The following TOP3B variants were observed in gnomAD, a reference collection of about 807,000 sequenced individuals.
TOP3B encodes DNA topoisomerase 3-beta-1.
A neutral mutation model predicts 93.9 loss-of-function variants in TOP3B; 45 were observed. The ratio of observed to expected loss-of-function variants is 0.48; its 90% confidence interval spans 0.38 to 0.61. TOP3B has a LOEUF of 0.61. Among genes scored for constraint, TOP3B ranks in the 20% least tolerant of loss-of-function variants. The probability of loss-of-function intolerance (pLI) is 0.00; values close to 1 mark genes in which losing one functional copy is unlikely to be tolerated. For synonymous variants in TOP3B, 357 were observed against 472.6 expected (o/e 0.76, Z 3.17); for missense variants, 750 against 1,156.1 (o/e 0.65, Z 5.09).
intron 6 of TOP3B, 123 bp from the exon 7 acceptor site, chr22:21,968,898 C>A (rs2071521469): frequency 9.5e-7 from 1 of 1,056,868 alleles, no homozygotes; most frequent in African/African-American, 1.6e-5. Context: ...GTGGTGTCCC[C>A]ACTTAGAAGC....
intron 6 of TOP3B, chr22:21,969,813 T>C (rs2071559003): frequency 5.8e-6 from 1 of 173,708 alleles, no homozygotes; most frequent in Admixed American, 5.5e-5. Flanking sequence ...GCACCTGTAG[T>C]GGAAGGCTCA....
chr22:21,970,034 T>C lies in TOP3B; in HGVS notation c.581+176A>G, dbSNP rs2071570614. On this transcript the variant is annotated intron_variant, in intron 6 of 17. Transcript: ENST00000357179. The surrounding 1 kb of genome is among the most constrained non-coding windows in gnomAD (Gnocchi z 4.4). Reference sequence around the variant, plus strand: ...ATCCTCCTATCCTGGTCTCCCAAAGTGCAGGGATTACAGGTGTTAGCCACT... The same window carrying C: ...ATCCTCCTATCCTGGTCTCCCAAAGCGCAGGGATTACAGGTGTTAGCCACT... 7 of 647,752 alleles carry C rather than the reference T, an allele frequency of 1.1e-5. 1 individual carries two copies. In the South Asian group the frequency reaches 1.4e-4, roughly 13 times the overall value. The allele number at this position is 647,752 out of a possible 1,614,324, so 40.1% of individuals were successfully genotyped here.
intron 8 of TOP3B, chr22:21,966,327 A>C (rs1303550245): frequency 6.7e-6 from 1 of 149,806 alleles, no homozygotes; most frequent in East Asian, 1.9e-4. Flanking sequence ...AAAACCTGGA[A>C]GATTGAGGAG....
chr22:21,959,987 ACACATG>A, intron 14 of TOP3B: 1 of 625,446 alleles, frequency 1.6e-6, no homozygotes, highest in South Asian at 2.0e-5. Context: ...GAACCACATC[ACACATG>A]AGCTCCAGGC....
intron 13 of TOP3B, 180 bp downstream of exon 13, chr22:21,962,249 G>T: frequency 6.4e-7 from 1 of 1,558,298 alleles, no homozygotes; most frequent in Non-Finnish European, 8.6e-7. Flanking sequence ...GGCCTCAGGA[G>T]GGGATGCCCG....
At chr22:21,968,346 C>T (rs2071496484) in intron 7 of TOP3B, 3 of 454,976 alleles carry the variant, frequency 6.6e-6, no homozygotes, top group African/African-American at 3.9e-5. Flanking sequence ...ACCACTGAAG[C>T]CACTGATTCC....
rs772277144 is a variant in TOP3B at position 21,964,218 on chromosome 22, G to T, written c.1041C>A (p.Asn347Lys). Residue 347 changes from asparagine (N) to lysine (K), a missense_variant, in exon 10 of 18, where the codon AAC becomes AAA. By Grantham distance (94) the Asn-to-Lys change is moderately conservative (BLOSUM62 0). This residue lies in a region of TOP3B where 737 missense variants were observed against 933.7 expected (regional missense o/e 0.79). Transcript: ENST00000357179. The part of the protein sequence containing the change: ...PRTETTHYPE[N>K]FDLKGSLRQQ... ...GCCGCAGAGAGCCCTTCAGGTCAAA[G>T]TTCTCAGGGTAGTGGGTGGTCTCTG... 6.2e-7 allele frequency: 1 copy of T among 1,614,076 alleles called. No individual in the cohort carries two copies. Among genetic ancestry groups the T allele is most frequent in the Non-Finnish European group, 8.5e-7 (1 of 1,180,046 alleles).
chr22:21,959,080 G>A (rs1460972016), intron 16 of TOP3B, 52 bp downstream of exon 16: 3 of 1,595,932 alleles, frequency 1.9e-6, no homozygotes, highest in Non-Finnish European at 2.6e-6. Context: ...CGATAAAGCT[G>A]AGGCCTACAG....
Position 21,970,683 on chromosome 22 carries a change from G to A in TOP3B, c.385-277C>T, listed in dbSNP as rs971745820. 6 of 480,836 alleles carry A rather than the reference G, an allele frequency of 1.2e-5. No homozygotes were observed. Among genetic ancestry groups the A allele is most frequent in the East Asian group, 7.2e-5 (2 of 27,634 alleles). 29.8% of individuals were successfully genotyped at this position (480,836 alleles called of 1,614,324 possible). A position where few individuals can be genotyped will look rare whatever the true frequency, so the allele number is the denominator to read the frequency against. ...ACTCGAACACTCCCTTCTTACTCCC[G>A]CCCTCTCTTCTAATCCTCTGCTTTC... On this transcript the variant is annotated intron_variant, in intron 5 of 17. Coordinates refer to ENST00000357179, the MANE Select transcript of TOP3B (RefSeq NM_001282112.2). The surrounding 1 kb of genome is among the most constrained non-coding windows in gnomAD (Gnocchi z 4.4).
chr22:21,958,681 G>T lies in TOP3B; in HGVS notation c.1918C>A (p.Arg640Ser). ...FMKYIQAKPSRLHCSHCDETY... is the reference protein window; with the variant it reads ...FMKYIQAKPSSLHCSHCDETY... Reference sequence around the variant, plus strand: ...TCATCGCAGTGGGAGCAGTGCAGGCGGCTTGGCTTGGCCTGCGGCAATGCC... The same window carrying T: ...TCATCGCAGTGGGAGCAGTGCAGGCTGCTTGGCTTGGCCTGCGGCAATGCC... The change falls in exon 17 of 18, where the codon CGC becomes AGC. Residue 640 changes from arginine (R) to serine (S), a missense_variant. This residue lies in a region of TOP3B where 737 missense variants were observed against 933.7 expected (regional missense o/e 0.79). Transcript: ENST00000357179. 1 of 1,598,126 alleles carries T rather than the reference G, an allele frequency of 6.3e-7. No individual in the cohort carries two copies.
At chr22:21,974,261 A>C (rs2071765005) in intron 3 of TOP3B, 96 bp downstream of exon 3, 4 of 1,477,942 alleles carry the variant, frequency 2.7e-6, no homozygotes, top group Non-Finnish European at 3.6e-6. Context: ...AGTTGGGACA[A>C]ACTTCCCTGC....
At chr22:21,974,520 G>T in intron 2 of TOP3B, 32 bp from the exon 3 acceptor site, 2 of 1,566,890 alleles carry the variant, frequency 1.3e-6, no homozygotes, top group Non-Finnish European at 1.7e-6. Flanking sequence ...GTGACTGGCT[G>T]CTTCAGCTGA....
intron 13 of TOP3B, chr22:21,961,900 G>A (rs239916): frequency 0.17 from 37,246 of 225,404 alleles, 3,565 homozygotes; most frequent in African/African-American, 0.25. Context: ...TGTGAGGAGT[G>A]TGCACTGGTG....
At chr22:21,964,081 G>A in intron 10 of TOP3B, 53 bp from the exon 11 acceptor site, 2 of 1,603,702 alleles carry the variant, frequency 1.2e-6, no homozygotes, top group Admixed American at 1.7e-5. Flanking sequence ...CTGCCTGCCT[G>A]GGTTTGGCTG....
Position 21,975,774 on chromosome 22 carries a change from T to C in TOP3B, c.-65A>G. On this transcript the variant is annotated 5_prime_UTR_variant, in exon 2 of 18. Coordinates refer to ENST00000357179, the MANE Select transcript of TOP3B (RefSeq NM_001282112.2). ...CAATGAAAAAGTTTAGACTCCACTC[T>C]TCCGCAGCACAGCACTATTACCAAT... 6.4e-7 allele frequency: 1 copy of C among 1,563,320 alleles called. No individual in the cohort carries two copies. Among genetic ancestry groups the C allele is most frequent in the East Asian group, 2.3e-5 (1 of 44,034 alleles).
chr22:21,960,268 G>T, intron 14 of TOP3B, 53 bp downstream of exon 14: 1 of 1,610,832 alleles, frequency 6.2e-7, no homozygotes, highest in South Asian at 1.1e-5. Context: ...CCAACATCCA[G>T]GGAGAAGCCA....
chr22:21,978,891 C>G (rs769619935), intron 1 of TOP3B, among the ~76,000 whole-genome samples: 1 of 152,166 alleles, frequency 6.6e-6, no homozygotes, highest in African/African-American at 2.4e-5. Context: ...TGGGACTGCT[C>G]TGGCGAGAAG....
chr22:21,970,121 TA>T lies in TOP3B; in HGVS notation c.581+88del. ...TTGCTCATCCTGGCTCGAGGAGGCC[TA>T]GGGGCCCCGGAGGGGGACCAGTAGA... On this transcript the variant is annotated intron_variant, in intron 6 of 17. Transcript: ENST00000357179. The surrounding 1 kb of genome is among the most constrained non-coding windows in gnomAD (Gnocchi z 4.4). 1 of 1,504,966 alleles carries T rather than the reference TA, an allele frequency of 6.6e-7. No homozygotes were observed. Among genetic ancestry groups the T allele is most frequent in the Non-Finnish European group, 9.0e-7 (1 of 1,115,068 alleles). 93.2% of individuals were successfully genotyped at this position (1,504,966 alleles called of 1,614,324 possible).
rs765532262 is a variant in TOP3B, at chr22:21,962,990, C to T, written c.1205-97G>A. On this transcript the variant is annotated intron_variant, in intron 11 of 17. Coordinates refer to ENST00000357179, the MANE Select transcript of TOP3B (RefSeq NM_001282112.2). ...CGCTCGAGCAGCAAGCTCCTGCTTACAGAGCCGCTGTGCAGGACACACTGC... is the reference window on the plus strand; with the variant it reads ...CGCTCGAGCAGCAAGCTCCTGCTTATAGAGCCGCTGTGCAGGACACACTGC... 4.8e-6 allele frequency: 7 copies of T among 1,461,926 alleles called. No individual in the cohort carries two copies. In the Admixed American group the frequency reaches 7.6e-5, roughly 16 times the overall value. The allele number at this position is 1,461,926 out of a possible 1,614,324, so 90.6% of individuals were successfully genotyped here. A position where few individuals can be genotyped will look rare whatever the true frequency, so the allele number is the denominator to read the frequency against.
Sources: gnomAD v4.1 joint callset for allele counts (sites outside exome capture counted in the v4.1 genomes callset) on GRCh38, gnomAD v4.1.1 for gene constraint, gnomAD v4.1.1 regional missense constraint, Gnocchi (gnomAD v3.1) non-coding constraint, MANE v1.5 for transcripts, NCBI Gene and HGNC (gene_info 2026-07-23, HGNC 2026-07-21) for gene names.